ASAP2: variants seen among roughly 807,000 people sequenced by gnomAD.
ASAP2 encodes ArfGAP with SH3 domain, ankyrin repeat and PH domain 2.
In ASAP2, 45 loss-of-function variants were observed where a neutral mutation model predicts 131.4. The ratio of observed to expected loss-of-function variants is 0.34; its 90% CI spans 0.27 to 0.44. The LOEUF (loss-of-function observed/expected upper bound fraction) is 0.44, where lower values mean the gene tolerates loss of function less well. ASAP2 is among the 20% of genes least tolerant of loss of function. The pLI, the probability that ASAP2 is intolerant of heterozygous loss-of-function variation, is 1.00. For missense variants in ASAP2, 1,011 were observed against 1,297.0 expected, an observed-to-expected ratio of 0.78 and a Z score of 3.39; for synonymous variants, 510 against 503.0, an observed-to-expected ratio of 1.01 and a Z score of -0.19.
At chr2:9,255,861 A>G (rs1665117646) in intron 1 of ASAP2, among the ~76,000 whole-genome samples, 1 of 152,192 alleles carries the variant, frequency 6.6e-6, no homozygotes. Context: ...AGTCTTGGTA[A>G]ACATTGGGCT....
At chr2:9,401,052 C>T (rs551893505) in intron 26 of ASAP2, among the ~76,000 whole-genome samples, 4 of 152,196 alleles carry the variant, frequency 2.6e-5, no homozygotes, top group South Asian at 2.1e-4. Context: ...CCGGCCGCTT[C>T]GTTTCCCAGC....
rs545286692 is a variant in ASAP2, at chr2:9,352,009, A to G, written c.1111+1114A>G. The stretch of plus-strand genomic sequence containing the variant: ...CTAGTAAGGTCCACAGATTCTCATC[A>G]AAGCTTGCCTTTCATTCATACAAGA... On this transcript the variant is annotated intron_variant, in intron 12 of 27. Coordinates refer to ENST00000281419, the MANE Select transcript of ASAP2 (RefSeq NM_003887.3). 2.6e-5 allele frequency among the ~76,000 whole-genome samples: 4 copies of G among 152,318 alleles called. No individual in the cohort carries two copies. The East Asian group carries it at 5.8e-4, about 22-fold the overall frequency.
At chr2:9,384,676 G>A (rs879853181) in intron 20 of ASAP2, among the ~76,000 whole-genome samples, 12 of 152,344 alleles carry the variant, frequency 7.9e-5, no homozygotes, top group East Asian at 5.8e-4. Context: ...AGAGAGGTGC[G>A]TAGGGCAAGG....
chr2:9,361,284 G>C (rs1345684176), intron 15 of ASAP2, among the ~76,000 whole-genome samples: 1 of 152,194 alleles, frequency 6.6e-6, no homozygotes, highest in African/African-American at 2.4e-5. Context: ...GCAGTGAATT[G>C]TGTAGGATTT....
At chr2:9,289,638 G>A (rs1667677234) in intron 2 of ASAP2, among the ~76,000 whole-genome samples, 1 of 152,134 alleles carries the variant, frequency 6.6e-6, no homozygotes, top group Non-Finnish European at 1.5e-5. Context: ...TTCACAGGGA[G>A]GTCATTGGGG....
At chr2:9,243,560 T>C (rs1165829790) in intron 1 of ASAP2, among the ~76,000 whole-genome samples, 1 of 152,228 alleles carries the variant, frequency 6.6e-6, no homozygotes. Flanking sequence ...GGCAGATGAA[T>C]TGTATTAAAA....
rs1439037818 is a variant in ASAP2 at position 9,356,309 on chromosome 2, A to G, written c.1291A>G (p.Thr431Ala). 3.1e-6 allele frequency: 5 copies of G among 1,610,784 alleles called. No homozygotes were observed. Among genetic ancestry groups the G allele is most frequent in the Non-Finnish European group, 3.4e-6 (4 of 1,178,330 alleles). Residue 431 changes from threonine (T) to alanine (A), a missense_variant, in exon 14 of 28, where the codon ACG becomes GCG. Physicochemically the swap from Thr to Ala is moderately conservative, Grantham distance 58. Coordinates refer to ENST00000281419, the MANE Select transcript of ASAP2 (RefSeq NM_003887.3). ...GATCATCTCAGAAGTGCAGAGGATGACGGGCAATGACGTCTGCTGTGACTG... is the reference window on the plus strand; with the variant it reads ...GATCATCTCAGAAGTGCAGAGGATGGCGGGCAATGACGTCTGCTGTGACTG... ...KEIISEVQRM[T>A]GNDVCCDCGA...
chr2:9,370,316 C>T (rs1307080781), intron 16 of ASAP2, among the ~76,000 whole-genome samples: 1 of 152,128 alleles, frequency 6.6e-6, no homozygotes, highest in Non-Finnish European at 1.5e-5. Flanking sequence ...CTCAGGTGAG[C>T]GATTTAGTTG....
intron 1 of ASAP2, among the ~76,000 whole-genome samples, chr2:9,238,797 C>G (rs1241089268): frequency 6.6e-6 from 1 of 152,128 alleles, no homozygotes; most frequent in Non-Finnish European, 1.5e-5. Context: ...CCTAAAACAC[C>G]CCGAAAGCTT....
chr2:9,402,112 C>T (rs1307075461), intron 27 of ASAP2, among the ~76,000 whole-genome samples: 1 of 152,234 alleles, frequency 6.6e-6, no homozygotes, highest in Admixed American at 6.5e-5. Context: ...GCAGACAGTT[C>T]AGCTGGGAAC....
In ASAP2 at chr2:9,358,900, A is replaced by T; in HGVS notation, c.1461+11A>T. 6.3e-7 allele frequency: 1 copy of T among 1,595,028 alleles called. No homozygotes were observed. Among genetic ancestry groups the T allele is most frequent in the Non-Finnish European group, 8.5e-7 (1 of 1,170,386 alleles). On this transcript the variant is annotated intron_variant, in intron 15 of 27. Coordinates refer to ENST00000281419, the MANE Select transcript of ASAP2 (RefSeq NM_003887.3). ...ACATCTGAGCTGCTGGTAATTTTTA[A>T]ATCCTTGATTTCAGATTGGAAACAA...
intron 15 of ASAP2, among the ~76,000 whole-genome samples, chr2:9,366,263 C>T (rs1019276963): frequency 5.9e-5 from 9 of 151,996 alleles, no homozygotes; most frequent in Admixed American, 2.0e-4. Context: ...AGTTAACCAG[C>T]CAAGTCCAAG....
chr2:9,376,906 A>G lies in ASAP2; in HGVS notation c.1747-2A>G. On this transcript the variant is annotated splice_acceptor_variant, in intron 17 of 27. Transcript: ENST00000281419. LOFTEE classifies it high-confidence loss of function. Reference sequence around the variant, plus strand: ...CTGGAATGCCTTTGTTTGGTTTTTCAGGAGCCGGATGAAACGGCCCTCCAC... The same window carrying G: ...CTGGAATGCCTTTGTTTGGTTTTTCGGGAGCCGGATGAAACGGCCCTCCAC... 6.2e-7 allele frequency: 1 copy of G among 1,613,984 alleles called. No individual in the cohort carries two copies. Among genetic ancestry groups the G allele is most frequent in the Non-Finnish European group, 8.5e-7 (1 of 1,179,896 alleles).
At position 9,374,833 on chromosome 2, in the gene ASAP2, G is replaced by A. The variant is rs761542366; in HGVS notation, c.1635G>A (p.Ala545=). ...GGAAGAAGCACGCGGATAACGCGGCGAAGCTTCACAGTCTTTGCGAGGCCG... is the reference window on the plus strand; with the variant it reads ...GGAAGAAGCACGCGGATAACGCGGCAAAGCTTCACAGTCTTTGCGAGGCCG... ...YARKKHADNA[A]KLHSLCEAVK... Residue 545 remains alanine, a synonymous_variant, in exon 17 of 28, where the codon GCG becomes GCA. Coordinates refer to ENST00000281419, the MANE Select transcript of ASAP2 (RefSeq NM_003887.3). 8 of 1,614,046 alleles carry A rather than the reference G, an allele frequency of 5.0e-6. No individual in the cohort carries two copies. In the Admixed American group the frequency reaches 6.7e-5, roughly 13 times the overall value.
At chr2:9,342,022 A>G (rs1671617538) in intron 9 of ASAP2, among the ~76,000 whole-genome samples, 1 of 152,122 alleles carries the variant, frequency 6.6e-6, no homozygotes, top group Non-Finnish European at 1.5e-5. Flanking sequence ...GGCAGAGTTT[A>G]AAAAGTCAGT....
At chr2:9,401,048 G>A (rs1313944007) in intron 26 of ASAP2, among the ~76,000 whole-genome samples, 3 of 152,036 alleles carry the variant, frequency 2.0e-5, no homozygotes, top group South Asian at 2.1e-4. Context: ...TGCCCCGGCC[G>A]CTTCGTTTCC....
At chr2:9,302,276 G>C (rs1036056692) in intron 3 of ASAP2, among the ~76,000 whole-genome samples, 26 of 144,806 alleles carry the variant, frequency 1.8e-4, no homozygotes, top group African/African-American at 6.7e-4. Context: ...GCGTTCAAGC[G>C]ATCCTTCTGC....
At position 9,266,147 on chromosome 2, in the gene ASAP2, C is replaced by CT. The variant is rs3053782; in HGVS notation, c.127-13154dup. 4.3e-3 allele frequency among the ~76,000 whole-genome samples: 578 copies of CT among 133,878 alleles called. 18 individuals are homozygous for CT. Among genetic ancestry groups the CT allele is most frequent in the South Asian group, 8.9e-3 (38 of 4,282 alleles). 87.8% of individuals were successfully genotyped at this position (133,878 alleles called of 152,430 possible). The stretch of plus-strand genomic sequence containing the variant: ...TTTATAAAAACGATTGCCTTTTTAT[C>CT]TTTTTTTTTTTTTTTTGGACACAGG... On this transcript the variant is annotated intron_variant, in intron 1 of 27. Transcript: ENST00000281419.
intron 5 of ASAP2, among the ~76,000 whole-genome samples, chr2:9,321,517 G>A (rs953221071): frequency 6.6e-6 from 1 of 152,168 alleles, no homozygotes; most frequent in Admixed American, 6.5e-5. Flanking sequence ...GAAGGGACCA[G>A]CGGATTCCTG....
Sources: gnomAD v4.1 joint callset for allele counts (sites outside exome capture counted in the v4.1 genomes callset) on GRCh38, gnomAD v4.1.1 for gene constraint, MANE v1.5 for transcripts, NCBI Gene and HGNC (gene_info 2026-07-23, HGNC 2026-07-21) for gene names.